Variants in NXPH1 observed in about 807,000 individuals in gnomAD.
NXPH1 encodes the protein neurexophilin-1.
A neutral mutation model predicts 23.7 loss-of-function variants in NXPH1; 5 were observed. The ratio of observed to expected loss-of-function variants is 0.21; its 90% CI spans 0.11 to 0.44. The LOEUF (loss-of-function observed/expected upper bound fraction) is 0.44. Ranked by LOEUF, NXPH1 falls within the 20% of genes least tolerant of loss-of-function variation. NXPH1 has a pLI of 0.99. For synonymous variants in NXPH1, 144 were observed against 122.2 expected, an observed-to-expected ratio of 1.18 and a Z score of -1.18; for missense variants, 324 against 321.6, an observed-to-expected ratio of 1.01 and a Z score of -0.06.
intron 2 of NXPH1, among the ~76,000 whole-genome samples, chr7:8,521,354 T>C (rs1817768572): frequency 6.6e-6 from 1 of 152,164 alleles, no homozygotes; most frequent in South Asian, 2.1e-4. Flanking sequence ...TCTTGGAACA[T>C]TTGCCAGTGC....
intron 2 of NXPH1, among the ~76,000 whole-genome samples, chr7:8,541,808 T>G (rs897615813): frequency 6.6e-6 from 1 of 151,582 alleles, no homozygotes; most frequent in Non-Finnish European, 1.5e-5. Flanking sequence ...AGGTAAACTG[T>G]GATAAGTTAA....
In NXPH1 at chr7:8,710,640, GTTTTTTGTTTTT is replaced by G. The variant is rs1166287269; in HGVS notation, c.55-40361_55-40350del. Among the ~76,000 whole-genome samples, 4 of 27,680 alleles carry G rather than the reference GTTTTTTGTTTTT, an allele frequency of 1.4e-4. 1 individual carries two copies. The East Asian group carries it at 8.5e-3, about 59-fold the overall frequency. 18.2% of individuals were successfully genotyped at this position (27,680 alleles called of 152,430 possible). On this transcript the variant is annotated intron_variant, in intron 2 of 2. Transcript: ENST00000405863. ...TTGAACAAAGCATGTCAACTGTTAC[GTTTTTTGTTTTT>G]TTTTTTTTTTTTTTTTTTTTTGAGA...
chr7:8,674,409 C>T (rs1820917321), intron 2 of NXPH1, among the ~76,000 whole-genome samples: 1 of 152,122 alleles, frequency 6.6e-6, no homozygotes, highest in Non-Finnish European at 1.5e-5. Context: ...GACTATTACA[C>T]TTCTCTGTGG....
At chr7:8,488,950 T>G (rs1238580643) in intron 2 of NXPH1, among the ~76,000 whole-genome samples, 1 of 152,170 alleles carries the variant, frequency 6.6e-6, no homozygotes, top group East Asian at 1.9e-4. Context: ...TTTTGAATTC[T>G]GCAGTAAGTT....
intron 2 of NXPH1, among the ~76,000 whole-genome samples, chr7:8,583,998 A>G (rs1236186266): frequency 6.6e-6 from 1 of 152,212 alleles, no homozygotes; most frequent in Non-Finnish European, 1.5e-5. Flanking sequence ...TGAGCCTGTC[A>G]GTTCTCCCAA....
chr7:8,656,325 C>T (rs1373008999), intron 2 of NXPH1, among the ~76,000 whole-genome samples: 2 of 151,982 alleles, frequency 1.3e-5, no homozygotes, highest in Non-Finnish European at 1.5e-5. Flanking sequence ...TTAATAAAAG[C>T]TTTTTAAAAT....
intron 2 of NXPH1, among the ~76,000 whole-genome samples, chr7:8,663,857 C>T (rs905301186): frequency 1.3e-5 from 2 of 152,030 alleles, no homozygotes; most frequent in Non-Finnish European, 2.9e-5. Context: ...TCATCAGGGT[C>T]TGTTACCCTC....
intron 2 of NXPH1, among the ~76,000 whole-genome samples, chr7:8,689,377 T>A (rs1821194158): frequency 6.6e-6 from 1 of 151,270 alleles, no homozygotes; most frequent in African/African-American, 2.4e-5. Context: ...ATAGGACATA[T>A]TCAAATGGGA....
intron 2 of NXPH1, among the ~76,000 whole-genome samples, chr7:8,441,775 C>T (rs1816306027): frequency 6.6e-6 from 1 of 152,234 alleles, no homozygotes; most frequent in Admixed American, 6.5e-5. Flanking sequence ...GCGCATTTTC[C>T]AAGTTTGCCC....
chr7:8,633,300 C>T (rs1220707856), intron 2 of NXPH1, among the ~76,000 whole-genome samples: 2 of 152,080 alleles, frequency 1.3e-5, no homozygotes, highest in African/African-American at 2.4e-5. Flanking sequence ...TGGTGGCATG[C>T]GCCTGTAATC....
intron 2 of NXPH1, among the ~76,000 whole-genome samples, chr7:8,644,105 A>C (rs1384153059): frequency 6.6e-6 from 1 of 152,082 alleles, no homozygotes. Context: ...CTGTCTTTTG[A>C]GGAGGTTTGC....
At chr7:8,638,938 G>T (rs772082621) in intron 2 of NXPH1, among the ~76,000 whole-genome samples, 4 of 150,446 alleles carry the variant, frequency 2.7e-5, no homozygotes, top group Admixed American at 6.7e-5. Context: ...AGAGGTTTAA[G>T]TTCCTTGACC....
chr7:8,652,820 C>G (rs1820510199), intron 2 of NXPH1, among the ~76,000 whole-genome samples: 2 of 152,300 alleles, frequency 1.3e-5, no homozygotes, highest in Admixed American at 1.3e-4. Flanking sequence ...TCCGTTTCTT[C>G]CACCAACTAT....
intron 2 of NXPH1, among the ~76,000 whole-genome samples, chr7:8,541,333 G>A (rs916924377): frequency 8.6e-5 from 13 of 151,720 alleles, no homozygotes; most frequent in Admixed American, 7.9e-4. Flanking sequence ...GGACATCAGT[G>A]AGTTGTGGGA....
rs777173431 is a variant in NXPH1, at chr7:8,751,682, C to G, written c.729C>G (p.Ser243=). The G allele has an allele frequency of 2.5e-6, 4 of 1,612,958 alleles. No homozygotes were observed. Among genetic ancestry groups the G allele is most frequent in the Non-Finnish European group, 2.5e-6 (3 of 1,179,426 alleles). The change falls in exon 3 of 3, where the codon TCC becomes TCG. Residue 243 remains serine, a synonymous_variant. Transcript: ENST00000405863. This position sits in a 1 kb window ranked among gnomAD's most constrained non-coding sequence, Gnocchi z 4.5. ...KPFKVICIYI[S]FYSTDYKLVQ... ...TTAAGGTGATCTGTATTTACATTTC[C>G]TTTTATAGTACAGATTATAAACTGG...
chr7:8,738,742 T>G (rs1562470771), intron 2 of NXPH1, among the ~76,000 whole-genome samples: 3 of 152,124 alleles, frequency 2.0e-5, no homozygotes. Flanking sequence ...TTCCCCCAGG[T>G]GCTCTGTCTC....
At chr7:8,474,042 C>G (rs1408392219) in intron 2 of NXPH1, among the ~76,000 whole-genome samples, 1 of 152,096 alleles carries the variant, frequency 6.6e-6, no homozygotes, top group Non-Finnish European at 1.5e-5. Flanking sequence ...TGTGACTACT[C>G]TGAATCAAAA....
chr7:8,462,201 A>G (rs1343259287), intron 2 of NXPH1, among the ~76,000 whole-genome samples: 1 of 152,142 alleles, frequency 6.6e-6, no homozygotes, highest in South Asian at 2.1e-4. Flanking sequence ...GGCATGCGCC[A>G]CCATGCCCAG....
At chr7:8,605,215 T>G (rs1819458223) in intron 2 of NXPH1, among the ~76,000 whole-genome samples, 1 of 152,130 alleles carries the variant, frequency 6.6e-6, no homozygotes, top group African/African-American at 2.4e-5. Flanking sequence ...TAGGGTAGCT[T>G]CTGTGTAATT....
Sources: allele counts gnomAD v4.1 joint callset (sites outside exome capture counted in the v4.1 genomes callset), GRCh38; gene constraint gnomAD v4.1.1; non-coding constraint Gnocchi (gnomAD v3.1); transcripts MANE v1.5; gene names NCBI Gene and HGNC (gene_info 2026-07-23, HGNC 2026-07-21).